The following COL22A1 variants were observed in gnomAD, a reference collection of about 807,000 sequenced individuals.
COL22A1 encodes the protein collagen type XXII alpha 1 chain, also known as collagen alpha-1(XXII) chain.
In COL22A1, 221 loss-of-function variants were observed where a neutral mutation model predicts 248.9. The observed-to-expected ratio is 0.89, with a 90% CI of 0.80 to 0.99. The LOEUF is 0.99. Ranked by LOEUF, COL22A1 falls within the 50% of genes least tolerant of loss-of-function variation. The probability of loss-of-function intolerance (pLI) is 0.00; values close to 1 mark genes in which losing one functional copy is unlikely to be tolerated. For synonymous variants in COL22A1, 891 were observed against 793.4 expected, an observed-to-expected ratio of 1.12 and a Z score of -2.07; for missense variants, 2,240 against 2,179.0, an observed-to-expected ratio of 1.03 and a Z score of -0.56.
intron 1 of COL22A1, among the ~76,000 whole-genome samples, chr8:138,897,353 C>T (rs1419720845): frequency 6.6e-6 from 1 of 152,096 alleles, no homozygotes; most frequent in African/African-American, 2.4e-5. Context: ...CGAGACCACC[C>T]TGGCCAACAT....
intron 3 of COL22A1, among the ~76,000 whole-genome samples, chr8:138,875,184 G>C (rs2132029068): frequency 2.0e-5 from 3 of 152,280 alleles, no homozygotes; most frequent in Middle Eastern, 6.8e-3. Flanking sequence ...TCCATTGAAA[G>C]TGATAATATT....
intron 23 of COL22A1, among the ~76,000 whole-genome samples, chr8:138,726,847 G>A (rs898969351): frequency 1.3e-5 from 2 of 152,202 alleles, no homozygotes; most frequent in African/African-American, 4.8e-5. Flanking sequence ...GTGAGGAGGA[G>A]CGACTTTGCC....
In COL22A1 at chr8:138,607,941, T is replaced by G. The variant is rs1451313444; in HGVS notation, c.4027A>C (p.Thr1343Pro). ...AGCAGCCAAAGAGAACTCACAGGGG[T>G]TCCTGAAGGGCCAGGCTCTCCTGGA... ...GSPGEPGPSG[T>P]PGQKGSKGEN... Residue 1343 changes from threonine (T) to proline (P), a missense_variant, in exon 57 of 65, where the codon ACC becomes CCC. Transcript: ENST00000303045. 2 of 1,613,902 alleles carry G rather than the reference T, an allele frequency of 1.2e-6. No homozygotes were observed. Among genetic ancestry groups the G allele is most frequent in the East Asian group, 4.5e-5 (2 of 44,850 alleles).
At position 138,602,173 on chromosome 8, in the gene COL22A1, G is replaced by A. The variant is rs1818076948; in HGVS notation, c.4141-14C>T. On this transcript the variant is annotated splice_polypyrimidine_tract_variant and intron_variant, in intron 59 of 64. Transcript: ENST00000303045. ...CCCAGGGACCCCCTGCAAGGAGAAA[G>A]AAAGGACAGTCATTGCCCCGGGCCC... The A allele has an allele frequency of 8.1e-6, 13 of 1,613,900 alleles. No individual in the cohort carries two copies. The highest frequency in any genetic ancestry group is 1.1e-5 in the South Asian group (1 of 91,090).
chr8:138,858,330 T>C (rs531203543), intron 3 of COL22A1, among the ~76,000 whole-genome samples: 1 of 152,306 alleles, frequency 6.6e-6, no homozygotes, highest in South Asian at 2.1e-4. Context: ...AGCACGGTCC[T>C]ACTGGAATTT....
chr8:138,698,392 G>C (rs1286190338), intron 32 of COL22A1, among the ~76,000 whole-genome samples: 2 of 152,166 alleles, frequency 1.3e-5, no homozygotes, highest in African/African-American at 4.8e-5. Context: ...TGAGCTGCAG[G>C]ACCGTCACCT....
chr8:138,627,295 T>C (rs957456414), intron 50 of COL22A1, among the ~76,000 whole-genome samples: 3 of 152,244 alleles, frequency 2.0e-5, no homozygotes, highest in Non-Finnish European at 4.4e-5. Context: ...ACCAGTGATC[T>C]AGGACTGGAG....
chr8:138,813,871 C>T (rs1218642065), intron 7 of COL22A1, among the ~76,000 whole-genome samples: 1 of 152,228 alleles, frequency 6.6e-6, no homozygotes, highest in Non-Finnish European at 1.5e-5. Flanking sequence ...CTCCAAGTTC[C>T]ACATATCCCT....
chr8:138,613,111 G>C (rs1431329646), intron 56 of COL22A1, among the ~76,000 whole-genome samples: 2 of 151,958 alleles, frequency 1.3e-5, no homozygotes, highest in Non-Finnish European at 2.9e-5. Flanking sequence ...AGCCGGGCGT[G>C]GTGGTGGGCA....
intron 41 of COL22A1, among the ~76,000 whole-genome samples, chr8:138,670,433 C>G (rs1824917959): frequency 6.6e-6 from 1 of 152,132 alleles, no homozygotes; most frequent in South Asian, 2.1e-4. Flanking sequence ...GAGCTGGGGC[C>G]TGGGGTAACC....
At chr8:138,663,768 C>A in intron 41 of COL22A1, 28 bp from the exon 42 acceptor site, 1 of 1,585,866 alleles carries the variant, frequency 6.3e-7, no homozygotes, top group East Asian at 2.2e-5. Context: ...AGTATGTAAG[C>A]AAAGTAGAAA....
At position 138,703,297 on chromosome 8, in the gene COL22A1, G is replaced by A. The variant is rs1828118257; in HGVS notation, c.2559+9C>T. The A allele has an allele frequency of 6.2e-7, 1 of 1,611,622 alleles. No individual in the cohort carries two copies. Among genetic ancestry groups the A allele is most frequent in the Middle Eastern group, 1.6e-4 (1 of 6,062 alleles). On this transcript the variant is annotated intron_variant, in intron 31 of 64. Transcript: ENST00000303045. ...CAGAGGAGAAAGAATTAGAAGCGGA[G>A]TAACTTACAGTTCCAGGTAACCCGG... is the stretch of plus-strand genomic sequence containing the variant.
At chr8:138,768,229 G>C (rs961931343) in intron 16 of COL22A1, among the ~76,000 whole-genome samples, 1 of 152,306 alleles carries the variant, frequency 6.6e-6, no homozygotes, top group South Asian at 2.1e-4. Flanking sequence ...GCAGGATGCA[G>C]CCGCCTCCTC....
intron 3 of COL22A1, among the ~76,000 whole-genome samples, chr8:138,873,866 A>T (rs1420876856): frequency 6.6e-6 from 1 of 152,216 alleles, no homozygotes; most frequent in African/African-American, 2.4e-5. Flanking sequence ...TGAATGAATG[A>T]GTGAGTTGGA....
At chr8:138,617,565 T>C (rs980395911) in intron 53 of COL22A1, among the ~76,000 whole-genome samples, 2 of 152,212 alleles carry the variant, frequency 1.3e-5, no homozygotes, top group Non-Finnish European at 2.9e-5. Context: ...TTAGCAGAGC[T>C]GAGGCCATCA....
intron 4 of COL22A1, 80 bp from the exon 5 acceptor site, chr8:138,833,230 C>T: frequency 1.1e-6 from 1 of 930,418 alleles, no homozygotes. Flanking sequence ...CCGCTGTCTG[C>T]AAAGGCAGCC....
At chr8:138,682,616 C>T (rs755155800) in intron 39 of COL22A1, among the ~76,000 whole-genome samples, 1 of 152,172 alleles carries the variant, frequency 6.6e-6, no homozygotes, top group Non-Finnish European at 1.5e-5. Context: ...GCCTCAGTGT[C>T]TTTTTCCCTG....
chr8:138,728,630 G>C (rs911661122), intron 23 of COL22A1, among the ~76,000 whole-genome samples: 10 of 151,898 alleles, frequency 6.6e-5, no homozygotes, highest in Non-Finnish European at 1.2e-4. Flanking sequence ...GAGTCTCATA[G>C]CACGTTAGAG....
chr8:138,839,966 G>C (rs1349729962), intron 4 of COL22A1, among the ~76,000 whole-genome samples: 1 of 152,102 alleles, frequency 6.6e-6, no homozygotes, highest in African/African-American at 2.4e-5. Flanking sequence ...TTGACCCAAG[G>C]TTGGCTGGCT....
Sources: gnomAD v4.1 joint callset for allele counts (sites outside exome capture counted in the v4.1 genomes callset) on GRCh38, gnomAD v4.1.1 for gene constraint, MANE v1.5 for transcripts, NCBI Gene and HGNC (gene_info 2026-07-23, HGNC 2026-07-21) for gene names.